LANCL2: variants seen among roughly 807,000 people sequenced by gnomAD.
LANCL2 encodes lanC-like protein 2.
A neutral mutation model predicts 56.9 loss-of-function variants in LANCL2; 33 were observed. That is an observed-to-expected ratio of 0.58 (90% CI 0.44 to 0.78). The LOEUF is 0.78. Among genes scored for constraint, LANCL2 ranks in the 30% least tolerant of loss-of-function variants. The pLI is 0.00. For missense variants in LANCL2, 562 were observed against 580.2 expected, an observed-to-expected ratio of 0.97 and a Z score of 0.32; for synonymous variants, 233 against 228.2, an observed-to-expected ratio of 1.02 and a Z score of -0.19.
chr7:55,365,704 A>G lies in LANCL2; in HGVS notation c.-322A>G, dbSNP rs1474347319. On this transcript the variant is annotated 5_prime_UTR_variant, in exon 1 of 9. Transcript: ENST00000254770. ...TCGCCGCGGACGGGCTCTGCGGGCC[A>G]CGGGGAAGGTGCGAGGAGGCGCGAG... The G allele has an allele frequency of 4.5e-6, 1 of 223,728 alleles. No homozygotes were observed. The highest frequency in any genetic ancestry group is 8.7e-6 in the Non-Finnish European group (1 of 114,668). The allele number at this position is 223,728 out of a possible 1,614,324, so 13.9% of individuals were successfully genotyped here.
chr7:55,387,694 C>CTTAA (rs1790140381), intron 1 of LANCL2, among the ~76,000 whole-genome samples: 1 of 152,100 alleles, frequency 6.6e-6, no homozygotes, highest in Non-Finnish European at 1.5e-5. Context: ...TTATAACCAA[C>CTTAA]TTAATTACAT....
Position 55,412,087 on chromosome 7 carries a change from A to G in LANCL2, c.1006A>G (p.Lys336Glu). The change falls in exon 6 of 9, where the codon AAG (lysine) becomes GAG (glutamate). Residue 336 changes from lysine to glutamate, a missense_variant and splice_region_variant. Lys to Glu is a moderately conservative substitution (Grantham distance 56, BLOSUM62 1). Transcript: ENST00000254770. Reference protein sequence around the residue: ...GVIHMLMQAYKVFKEEKYLKE... With the variant: ...GVIHMLMQAYEVFKEEKYLKE... ...CATCCACATGCTCATGCAGGCGTAC[A>G]AGGTCAGTGCTTCCGCCGTCACGGC... is the stretch of plus-strand genomic sequence containing the variant. The G allele has an allele frequency of 6.2e-7, 1 of 1,612,614 alleles. No individual in the cohort carries two copies. Among genetic ancestry groups the G allele is most frequent in the South Asian group, 1.1e-5 (1 of 90,936 alleles).
chr7:55,431,436 C>A lies in LANCL2; in HGVS notation c.*116C>A. ...AGAGAAGCAGACACCGTCACAGGCCCCTCTGGTTAGACTAGCATGAGTGAC... is the reference window on the plus strand; with the variant it reads ...AGAGAAGCAGACACCGTCACAGGCCACTCTGGTTAGACTAGCATGAGTGAC... On this transcript the variant is annotated 3_prime_UTR_variant, in exon 9 of 9. Coordinates refer to ENST00000254770, the MANE Select transcript of LANCL2 (RefSeq NM_018697.4). 1 of 681,938 alleles carries A rather than the reference C, an allele frequency of 1.5e-6. No homozygotes were observed. Among genetic ancestry groups the A allele is most frequent in the South Asian group, 2.0e-5 (1 of 50,802 alleles). 42.2% of individuals were successfully genotyped at this position (681,938 alleles called of 1,614,324 possible).
At position 55,400,041 on chromosome 7, in the gene LANCL2, T is replaced by C; in HGVS notation, c.615T>C (p.Tyr205=). The C allele has an allele frequency of 6.2e-7, 1 of 1,613,888 alleles. No homozygotes were observed. The highest frequency in any genetic ancestry group is 8.5e-7 in the Non-Finnish European group (1 of 1,179,828). Residue 205 remains tyrosine (Y), a synonymous_variant, in exon 4 of 9, where the codon TAT becomes TAC. Coordinates refer to ENST00000254770, the MANE Select transcript of LANCL2 (RefSeq NM_018697.4). ...TTTATGGACGGGCAGGTTATCTGTA[T>C]GCCTTACTGTACCTGAACACAGAGA... ...ELLYGRAGYL[Y]ALLYLNTEIG...
intron 6 of LANCL2, among the ~76,000 whole-genome samples, chr7:55,415,422 C>G (rs1373916114): frequency 1.3e-5 from 2 of 152,128 alleles, no homozygotes; most frequent in Admixed American, 6.5e-5. Flanking sequence ...TCAGAAAATG[C>G]TTTCATACAA....
chr7:55,387,504 G>A (rs183491788), intron 1 of LANCL2, among the ~76,000 whole-genome samples: 1 of 151,168 alleles, frequency 6.6e-6, no homozygotes, highest in East Asian at 1.9e-4. Flanking sequence ...CACAGCAAAC[G>A]TTGAACTTCT....
intron 2 of LANCL2, 103 bp from the exon 3 acceptor site, chr7:55,398,320 A>G: frequency 1.2e-6 from 1 of 823,550 alleles, no homozygotes; most frequent in South Asian, 1.6e-5. Context: ...TTGGAAACAT[A>G]GATTTATGTA....
chr7:55,408,205 G>A (rs977369466), intron 5 of LANCL2, among the ~76,000 whole-genome samples: 3 of 152,172 alleles, frequency 2.0e-5, no homozygotes, highest in African/African-American at 7.2e-5. Context: ...TCATGAAAAT[G>A]GGAAGCAAAG....
chr7:55,370,418 A>G (rs911860577), intron 1 of LANCL2, among the ~76,000 whole-genome samples: 3 of 152,224 alleles, frequency 2.0e-5, no homozygotes, highest in African/African-American at 7.2e-5. Context: ...GTTATACAGG[A>G]GCATAAATAC....
At chr7:55,416,984 T>TGTTTTTG (rs1562868543) in intron 6 of LANCL2, among the ~76,000 whole-genome samples, 1 of 130,272 alleles carries the variant, frequency 7.7e-6, no homozygotes, top group African/African-American at 2.9e-5. Context: ...TTTTTTTTTT[T>TGTTTTTG]TTTTTTTTTT....
chr7:55,418,437 C>T lies in LANCL2; in HGVS notation c.1008+6348C>T, dbSNP rs943029272. Reference sequence around the variant, plus strand: ...TCAAGGGTTCTACCCACCTCGGCCTCCCAAAGTGCTGGGATTACAGGCTTG... The same window carrying T: ...TCAAGGGTTCTACCCACCTCGGCCTTCCAAAGTGCTGGGATTACAGGCTTG... On this transcript the variant is annotated intron_variant, in intron 6 of 8. Transcript: ENST00000254770. Among the ~76,000 whole-genome samples the T allele has an allele frequency of 5.9e-5, 9 of 152,286 alleles. No homozygotes were observed. The South Asian group carries it at 1.2e-3, about 21-fold the overall frequency.
intron 5 of LANCL2, among the ~76,000 whole-genome samples, chr7:55,409,143 C>T (rs12533457): frequency 0.34 from 50,028 of 148,464 alleles, 8,990 homozygotes; most frequent in East Asian, 0.52. Context: ...GGCTGGAGTG[C>T]ACTGGCGCGA....
At chr7:55,420,617 C>G (rs1046776667) in intron 6 of LANCL2, among the ~76,000 whole-genome samples, 1 of 152,150 alleles carries the variant, frequency 6.6e-6, no homozygotes, top group Admixed American at 6.6e-5. Flanking sequence ...CTGTAATGAC[C>G]CAGATAGTAA....
chr7:55,384,080 C>T (rs1429621578), intron 1 of LANCL2, among the ~76,000 whole-genome samples: 4 of 145,664 alleles, frequency 2.7e-5, no homozygotes, highest in Non-Finnish European at 4.5e-5. Flanking sequence ...GTGTGCAAAA[C>T]AGAAAAAAAA....
chr7:55,401,734 T>TG lies in LANCL2; in HGVS notation c.825+415dup, dbSNP rs758008866. ...CTGGGTACTTGAGATTAGGGAGTGGTGATGACTCTTAACGAGCATGCTGCC... is the reference window on the plus strand; with the variant it reads ...CTGGGTACTTGAGATTAGGGAGTGGTGGATGACTCTTAACGAGCATGCTGCC... On this transcript the variant is annotated intron_variant, in intron 5 of 8. Transcript: ENST00000254770. 5.9e-4 allele frequency among the ~76,000 whole-genome samples: 76 copies of TG among 129,726 alleles called. 1 individual carries two copies. The highest frequency in any genetic ancestry group is 9.1e-4 in the Non-Finnish European group (55 of 60,392). The allele number at this position is 129,726 out of a possible 152,430, so 85.1% of individuals were successfully genotyped here. A position where few individuals can be genotyped will look rare whatever the true frequency, so the allele number is the denominator to read the frequency against.
chr7:55,415,823 C>A (rs1028193025), intron 6 of LANCL2, among the ~76,000 whole-genome samples: 2 of 151,978 alleles, frequency 1.3e-5, no homozygotes, highest in East Asian at 1.9e-4. Flanking sequence ...CCATGTTGCC[C>A]AGGCTAGTCT....
At chr7:55,394,869 G>T (rs1386822146) in intron 2 of LANCL2, among the ~76,000 whole-genome samples, 1 of 152,150 alleles carries the variant, frequency 6.6e-6, no homozygotes, top group East Asian at 1.9e-4. Context: ...GGGAATAAAG[G>T]CATGGAAAGT....
At chr7:55,407,564 A>G (rs1324822836) in intron 5 of LANCL2, among the ~76,000 whole-genome samples, 1 of 152,178 alleles carries the variant, frequency 6.6e-6, no homozygotes. Context: ...TTTGAATGAG[A>G]TTTACATTTA....
rs140838732 is a variant in LANCL2, at chr7:55,420,567, G to A, written c.1009-4687G>A. Among the ~76,000 whole-genome samples the A allele has an allele frequency of 2.8e-4, 42 of 152,362 alleles. 2 individuals are homozygous for A. The highest frequency in any genetic ancestry group is 9.9e-4 in the African/African-American group (41 of 41,588). On this transcript the variant is annotated intron_variant, in intron 6 of 8. Coordinates refer to ENST00000254770, the MANE Select transcript of LANCL2 (RefSeq NM_018697.4). ...ATGTCAGTTAGGCCAATGGTTGGAT[G>A]TATTGTTCAGATCTTCAATTACAGA...
Sources: gnomAD v4.1 joint callset for allele counts (sites outside exome capture counted in the v4.1 genomes callset) on GRCh38, gnomAD v4.1.1 for gene constraint, MANE v1.5 for transcripts, NCBI Gene and HGNC (gene_info 2026-07-23, HGNC 2026-07-21) for gene names.